The following CDYL variants were observed in gnomAD, a reference collection of about 807,000 sequenced individuals.
The protein encoded by CDYL is chromodomain Y-like protein.
In CDYL, 8 loss-of-function variants were observed where a neutral mutation model predicts 47.3. The ratio of observed to expected loss-of-function variants is 0.17; its 90% CI spans 0.10 to 0.31. The LOEUF is 0.31. Among genes scored for constraint, CDYL ranks in the 10% least tolerant of loss-of-function variants. CDYL has a pLI of 1.00. For synonymous variants in CDYL, 266 were observed against 265.0 expected (o/e 1.00, Z -0.04); for missense variants, 471 against 701.4 (o/e 0.67, Z 3.71).
Position 4,891,714 on chromosome 6 carries a change from T to A in CDYL, c.26T>A (p.Val9Asp). 1 of 1,609,162 alleles carries A rather than the reference T, an allele frequency of 6.2e-7. No homozygotes were observed. Among genetic ancestry groups the A allele is most frequent in the Non-Finnish European group, 8.5e-7 (1 of 1,177,296 alleles). Residue 9 changes from valine (V) to aspartate (D), a missense_variant and splice_region_variant, in exon 2 of 7, where the codon GTT becomes GAT. By Grantham distance (152) the Val-to-Asp change is radical. Transcript: ENST00000397588. MASEELYE[V>D]ERIVDKRKNK... The stretch of plus-strand genomic sequence containing the variant: ...CTATTTTTTTCCTTTTATGAACAGG[T>A]TGAAAGGATTGTTGACAAAAGGAAA...
intron 1 of CDYL, among the ~76,000 whole-genome samples, chr6:4,794,345 A>C (rs1759010970): frequency 6.6e-6 from 1 of 152,076 alleles, no homozygotes; most frequent in Non-Finnish European, 1.5e-5. Flanking sequence ...ATTGACTGTT[A>C]GATTTGGCAG....
chr6:4,951,422 A>C (rs1222709422), intron 5 of CDYL, among the ~76,000 whole-genome samples: 1 of 152,136 alleles, frequency 6.6e-6, no homozygotes, highest in African/African-American at 2.4e-5. Flanking sequence ...TACATGTTGT[A>C]CTGAGACCTT....
intron 4 of CDYL, among the ~76,000 whole-genome samples, chr6:4,938,571 T>TA (rs1425772519): frequency 1.3e-5 from 2 of 152,214 alleles, no homozygotes; most frequent in Non-Finnish European, 2.9e-5. Context: ...CTCACATACT[T>TA]ACTATTTTGT....
chr6:4,920,261 A>G (rs948587468), intron 2 of CDYL, among the ~76,000 whole-genome samples: 1 of 152,218 alleles, frequency 6.6e-6, no homozygotes, highest in African/African-American at 2.4e-5. Context: ...ATGGTTGCAC[A>G]ATAGCGTGAA....
At chr6:4,949,923 A>C (rs1758645344) in intron 5 of CDYL, among the ~76,000 whole-genome samples, 1 of 152,188 alleles carries the variant, frequency 6.6e-6, no homozygotes, top group Non-Finnish European at 1.5e-5. Flanking sequence ...GTAAATTGAG[A>C]AATGCCCTTG....
intron 3 of CDYL, among the ~76,000 whole-genome samples, chr6:4,766,430 C>T (rs1250482776): frequency 2.6e-5 from 4 of 151,966 alleles, no homozygotes; most frequent in Non-Finnish European, 5.9e-5. Flanking sequence ...AGGATGGTCT[C>T]GATCTCCCGA....
chr6:4,846,122 T>A (rs1476444561), intron 1 of CDYL, among the ~76,000 whole-genome samples: 1 of 152,100 alleles, frequency 6.6e-6, no homozygotes, highest in African/African-American at 2.4e-5. Context: ...ATACTACAAT[T>A]TTATAAATGC....
rs1315314578 is a variant in CDYL, at chr6:4,801,581, C to G, written c.24+24774C>G. ...GTGATATGCAGCCGCTTGTAGCTCT[C>G]CTCTGCTCTTAGGTCTTTGCACTGG... On this transcript the variant is annotated intron_variant, in intron 1 of 6. Transcript: ENST00000397588. Among the ~76,000 whole-genome samples the G allele has an allele frequency of 3.9e-5, 6 of 152,294 alleles. No homozygotes were observed. In the East Asian group the frequency reaches 9.6e-4, roughly 24 times the overall value.
At chr6:4,853,804 A>T (rs1276149330) in intron 1 of CDYL, among the ~76,000 whole-genome samples, 3 of 152,230 alleles carry the variant, frequency 2.0e-5, no homozygotes, top group Admixed American at 1.3e-4. Context: ...CACCTGCCCC[A>T]GCTTCTCCTG....
intron 5 of CDYL, among the ~76,000 whole-genome samples, chr6:4,945,597 G>A (rs1758488845): frequency 6.6e-6 from 1 of 152,222 alleles, no homozygotes; most frequent in Non-Finnish European, 1.5e-5. Context: ...AGTTGATCAG[G>A]AGAGGAACAA....
chr6:4,804,268 G>A (rs1006259857), intron 1 of CDYL, among the ~76,000 whole-genome samples: 1 of 152,170 alleles, frequency 6.6e-6, no homozygotes, highest in African/African-American at 2.4e-5. Flanking sequence ...TCACCCACGA[G>A]AATGGTGGGC....
intron 1 of CDYL, among the ~76,000 whole-genome samples, chr6:4,778,496 A>G (rs966982261): frequency 2.6e-5 from 4 of 152,176 alleles, no homozygotes; most frequent in African/African-American, 9.7e-5. Context: ...ATTTTGTACT[A>G]AGTTTGTGTT....
intron 1 of CDYL, among the ~76,000 whole-genome samples, chr6:4,793,214 A>C (rs1758977112): frequency 6.6e-6 from 1 of 152,208 alleles, no homozygotes; most frequent in South Asian, 2.1e-4. Context: ...TTGGTACTGC[A>C]TCGCGTTCAT....
rs371998448 is a variant in CDYL at position 4,892,133 on chromosome 6, G to T, written c.445G>T (p.Val149Phe). 6.8e-6 allele frequency: 11 copies of T among 1,614,078 alleles called. 1 individual carries two copies. Among genetic ancestry groups the T allele is most frequent in the South Asian group, 1.1e-5 (1 of 91,078 alleles). ...CAAGATCCTCGTGCCTAAAAGCCCC[G>T]TTAAGAGCAGGACCGCAGTGGACGG... ...GIKILVPKSPVKSRTAVDGFQ... is the reference protein window; with the variant it reads ...GIKILVPKSPFKSRTAVDGFQ... Residue 149 changes from valine (V) to phenylalanine (F), a missense_variant, in exon 2 of 7, where the codon GTT becomes TTT. Coordinates refer to ENST00000397588, the MANE Select transcript of CDYL (RefSeq NM_004824.4).
chr6:4,717,394 G>A (rs898872048), intron 2 of CDYL, among the ~76,000 whole-genome samples: 1 of 152,038 alleles, frequency 6.6e-6, no homozygotes, highest in Non-Finnish European at 1.5e-5. Context: ...TTCCGCTTAG[G>A]CAAAATTGCA....
At chr6:4,794,552 A>C (rs2127436181) in intron 1 of CDYL, among the ~76,000 whole-genome samples, 1 of 152,194 alleles carries the variant, frequency 6.6e-6, no homozygotes, top group Admixed American at 6.5e-5. Flanking sequence ...GAATGATGGT[A>C]GTTGTGTGAT....
intron 1 of CDYL, among the ~76,000 whole-genome samples, chr6:4,868,938 C>T (rs1761397975): frequency 6.6e-6 from 1 of 152,060 alleles, no homozygotes; most frequent in Non-Finnish European, 1.5e-5. Flanking sequence ...TAAAAGTCTT[C>T]TTTGATACCC....
At chr6:4,742,556 G>C (rs1340899341) in intron 3 of CDYL, among the ~76,000 whole-genome samples, 1 of 151,826 alleles carries the variant, frequency 6.6e-6, no homozygotes, top group African/African-American at 2.4e-5. Context: ...TGCAGGTATT[G>C]GCCCGTAGCA....
At chr6:4,935,447 A>G (rs1758160526) in intron 2 of CDYL, 68 bp from the exon 3 acceptor site, 3 of 1,346,250 alleles carry the variant, frequency 2.2e-6, no homozygotes, top group Non-Finnish European at 3.2e-6. Context: ...ATCCAATTCA[A>G]AGATGACACC....
Sources: allele counts gnomAD v4.1 joint callset (sites outside exome capture counted in the v4.1 genomes callset), GRCh38; gene constraint gnomAD v4.1.1; transcripts MANE v1.5; gene names NCBI Gene and HGNC (gene_info 2026-07-23, HGNC 2026-07-21).